The following ADCY2 variants were observed in gnomAD, a reference collection of about 807,000 sequenced individuals.
ADCY2 encodes the protein adenylate cyclase 2, also known as adenylate cyclase type 2.
A neutral mutation model predicts 125.2 loss-of-function variants in ADCY2; 31 were observed. That is an observed-to-expected ratio of 0.25 (90% CI 0.19 to 0.33). The LOEUF is 0.33. Ranked by LOEUF, ADCY2 falls within the 10% of genes least tolerant of loss-of-function variation. The pLI, the probability that ADCY2 is intolerant of heterozygous loss-of-function variation, is 1.00. For synonymous variants in ADCY2, 512 were observed against 548.4 expected, an observed-to-expected ratio of 0.93 and a Z score of 0.93; for missense variants, 904 against 1,418.2, an observed-to-expected ratio of 0.64 and a Z score of 5.82.
At chr5:7,612,624 G>A (rs1737603654) in intron 3 of ADCY2, among the ~76,000 whole-genome samples, 2 of 152,198 alleles carry the variant, frequency 1.3e-5, no homozygotes, top group South Asian at 2.1e-4. Context: ...GTCGTTGGCT[G>A]CTCCGGGAGG....
intron 22 of ADCY2, among the ~76,000 whole-genome samples, chr5:7,815,955 C>A (rs557124552): frequency 6.6e-6 from 1 of 152,202 alleles, no homozygotes; most frequent in Non-Finnish European, 1.5e-5. Flanking sequence ...CTCTTCTCCC[C>A]CTGTCGGGCC....
intron 2 of ADCY2, among the ~76,000 whole-genome samples, chr5:7,512,778 C>T (rs1438193229): frequency 6.6e-6 from 1 of 152,070 alleles, no homozygotes; most frequent in Non-Finnish European, 1.5e-5. Context: ...CCTGCAGCCC[C>T]ATGTGAAGTT....
chr5:7,455,379 C>T (rs2126427839), intron 2 of ADCY2, among the ~76,000 whole-genome samples: 1 of 152,238 alleles, frequency 6.6e-6, no homozygotes, highest in South Asian at 2.1e-4. Context: ...ATTTGCAACA[C>T]AGCTGATGAA....
At chr5:7,615,068 GGAGA>G (rs886996352) in intron 3 of ADCY2, among the ~76,000 whole-genome samples, 22 of 152,040 alleles carry the variant, frequency 1.4e-4, no homozygotes, top group African/African-American at 5.3e-4. Flanking sequence ...TAGTGGAGCA[GGAGA>G]GAGAGAGAGA....
intron 16 of ADCY2, 110 bp from the exon 17 acceptor site, chr5:7,766,577 A>C: frequency 9.1e-7 from 1 of 1,095,756 alleles, no homozygotes; most frequent in South Asian, 1.5e-5. Context: ...CCACATAAAC[A>C]ATCCTGTTTA....
At chr5:7,483,961 A>T (rs1742831147) in intron 2 of ADCY2, among the ~76,000 whole-genome samples, 1 of 152,168 alleles carries the variant, frequency 6.6e-6, no homozygotes, top group African/African-American at 2.4e-5. Context: ...ATCTTATGTT[A>T]TTGAGCTCCG....
intron 15 of ADCY2, 48 bp downstream of exon 15, chr5:7,743,800 G>C: frequency 6.3e-7 from 1 of 1,574,980 alleles, no homozygotes; most frequent in Non-Finnish European, 8.7e-7. Flanking sequence ...CTCATTTCAT[G>C]AAAGCTGATT....
At chr5:7,718,030 T>C (rs1017960436) in intron 12 of ADCY2, among the ~76,000 whole-genome samples, 1 of 152,122 alleles carries the variant, frequency 6.6e-6, no homozygotes, top group African/African-American at 2.4e-5. Flanking sequence ...ATTTTTATCA[T>C]GAAAGCTGAC....
At chr5:7,726,724 A>G (rs7725106) in intron 13 of ADCY2, among the ~76,000 whole-genome samples, 12,311 of 152,212 alleles carry the variant, frequency 0.081, 1,256 homozygotes, top group African/African-American at 0.24. Context: ...TAAAATACTA[A>G]AATAAATGAA....
At chr5:7,521,671 A>G (rs1744450654) in intron 3 of ADCY2, among the ~76,000 whole-genome samples, 1 of 152,234 alleles carries the variant, frequency 6.6e-6, no homozygotes, top group Admixed American at 6.5e-5. Flanking sequence ...AACTTTAGGC[A>G]TAGGTCACCT....
chr5:7,648,978 G>A (rs1011352355), intron 4 of ADCY2, among the ~76,000 whole-genome samples: 6 of 152,096 alleles, frequency 3.9e-5, no homozygotes, highest in Admixed American at 2.6e-4. Context: ...TCAGTTCTTC[G>A]GCTAAGAAAA....
At chr5:7,733,034 T>C (rs943700898) in intron 14 of ADCY2, among the ~76,000 whole-genome samples, 1 of 152,252 alleles carries the variant, frequency 6.6e-6, no homozygotes, top group African/African-American at 2.4e-5. Flanking sequence ...CTTTTTTTGC[T>C]TTTAAGTAGT....
intron 4 of ADCY2, among the ~76,000 whole-genome samples, chr5:7,675,769 A>C (rs1408545378): frequency 6.6e-6 from 1 of 152,204 alleles, no homozygotes; most frequent in African/African-American, 2.4e-5. Context: ...AATGGTGGGC[A>C]GGTGTGTAGG....
In ADCY2 at chr5:7,690,856, G is replaced by A. The variant is rs1386791444; in HGVS notation, c.869+17G>A. 2.0e-6 allele frequency: 3 copies of A among 1,529,490 alleles called. No homozygotes were observed. The highest frequency in any genetic ancestry group is 4.9e-5 in the East Asian group (2 of 40,918). 94.7% of individuals were successfully genotyped at this position (1,529,490 alleles called of 1,614,324 possible). On this transcript the variant is annotated intron_variant, in intron 5 of 24. Transcript: ENST00000338316. Reference sequence around the variant, plus strand: ...AAACGTGAGGTACGACGCTATGCTTGCTCCTTGGCTGGTCTGGGAGTCTGC... The same window carrying A: ...AAACGTGAGGTACGACGCTATGCTTACTCCTTGGCTGGTCTGGGAGTCTGC...
chr5:7,735,112 T>G (rs1167275603), intron 14 of ADCY2, among the ~76,000 whole-genome samples: 1 of 151,926 alleles, frequency 6.6e-6, no homozygotes, highest in Non-Finnish European at 1.5e-5. Flanking sequence ...CCATAAGAAC[T>G]CAGATGGAAG....
At chr5:7,431,080 A>C (rs1050609401) in intron 2 of ADCY2, among the ~76,000 whole-genome samples, 1 of 152,206 alleles carries the variant, frequency 6.6e-6, no homozygotes, top group Non-Finnish European at 1.5e-5. Flanking sequence ...ATGGAAATGC[A>C]AAATACCCCT....
intron 4 of ADCY2, among the ~76,000 whole-genome samples, chr5:7,648,242 A>G (rs1280594783): frequency 1.3e-5 from 2 of 151,798 alleles, no homozygotes; most frequent in East Asian, 1.9e-4. Flanking sequence ...TATCTTTTCT[A>G]TCTTGTGGGC....
At chr5:7,424,988 G>A (rs1435111277) in intron 2 of ADCY2, among the ~76,000 whole-genome samples, 2 of 152,138 alleles carry the variant, frequency 1.3e-5, no homozygotes, top group Non-Finnish European at 2.9e-5. Flanking sequence ...GCATTCACTA[G>A]GATGCCACAC....
chr5:7,564,064 C>A (rs1052887176), intron 3 of ADCY2, among the ~76,000 whole-genome samples: 2 of 152,174 alleles, frequency 1.3e-5, no homozygotes, highest in Non-Finnish European at 2.9e-5. Flanking sequence ...TTAAACAGAT[C>A]ATTTGTTTGA....
Sources: gnomAD v4.1 joint callset for allele counts (sites outside exome capture counted in the v4.1 genomes callset) on GRCh38, gnomAD v4.1.1 for gene constraint, MANE v1.5 for transcripts, NCBI Gene and HGNC (gene_info 2026-07-23, HGNC 2026-07-21) for gene names.